Variants in SCAPER observed in about 807,000 individuals in gnomAD.
The protein encoded by SCAPER is S-phase cyclin A associated protein in the ER.
In SCAPER, 98 loss-of-function variants were observed where a neutral mutation model predicts 182.2. The ratio of observed to expected loss-of-function variants is 0.54; its 90% CI spans 0.46 to 0.64. SCAPER has a LOEUF of 0.64. SCAPER is among the 30% of genes least tolerant of loss of function. The probability of loss-of-function intolerance (pLI) is 0.00; values close to 1 mark genes in which losing one functional copy is unlikely to be tolerated. For missense variants in SCAPER, 1,432 were observed against 1,690.0 expected (o/e 0.85, Z 2.68); for synonymous variants, 605 against 564.6 (o/e 1.07, Z -1.01).
At chr15:76,902,639 G>A in intron 1 of SCAPER, among the ~76,000 whole-genome samples, 1 of 152,200 alleles carries the variant, frequency 6.6e-6, no homozygotes, top group East Asian at 1.9e-4. Flanking sequence ...TACCCTTACA[G>A]AGAATTCTAT....
At chr15:76,888,471 A>G (rs2073980711) in intron 1 of SCAPER, among the ~76,000 whole-genome samples, 1 of 152,192 alleles carries the variant, frequency 6.6e-6, no homozygotes, top group Non-Finnish European at 1.5e-5. Flanking sequence ...CAGTGGAGAG[A>G]AGACCTTAAA....
At chr15:76,591,434 C>A (rs187241823) in intron 22 of SCAPER, among the ~76,000 whole-genome samples, 1 of 152,130 alleles carries the variant, frequency 6.6e-6, no homozygotes, top group Non-Finnish European at 1.5e-5. Context: ...TAGAGTAATT[C>A]TTGAATATAT....
intron 26 of SCAPER, among the ~76,000 whole-genome samples, chr15:76,413,677 C>G (rs2045454362): frequency 6.6e-6 from 1 of 152,198 alleles, no homozygotes; most frequent in Non-Finnish European, 1.5e-5. Flanking sequence ...AAAGGTTGAA[C>G]AGGTCTATTT....
intron 25 of SCAPER, among the ~76,000 whole-genome samples, chr15:76,447,640 T>C (rs1040235716): frequency 2.0e-5 from 3 of 152,246 alleles, no homozygotes; most frequent in African/African-American, 4.8e-5. Context: ...TGTGAAAGTA[T>C]AGCTGAAACT....
chr15:76,430,822 G>A (rs2046811056), intron 26 of SCAPER, among the ~76,000 whole-genome samples: 1 of 152,200 alleles, frequency 6.6e-6, no homozygotes, highest in African/African-American at 2.4e-5. Context: ...GTTTTGAAAT[G>A]TGAGGACATG....
At chr15:76,385,962 C>G (rs1033223808) in intron 27 of SCAPER, among the ~76,000 whole-genome samples, 1 of 152,192 alleles carries the variant, frequency 6.6e-6, no homozygotes, top group Non-Finnish European at 1.5e-5. Flanking sequence ...ACAGATCTCA[C>G]TAGGCTAAAA....
intron 1 of SCAPER, among the ~76,000 whole-genome samples, chr15:76,895,079 A>C (rs2074361082): frequency 6.6e-6 from 1 of 152,218 alleles, no homozygotes; most frequent in Admixed American, 6.5e-5. Flanking sequence ...CACTAGAAGA[A>C]AAGAAAATTA....
In SCAPER at chr15:76,667,625, C is replaced by CAAAAAAAAAAAAAAAAAAA. The variant is rs775463270; in HGVS notation, c.2509-1855_2509-1837dup. ...GGGCAACAAGAGCGAGACTCAGTCT[C>CAAAAAAAAAAAAAAAAAAA]AAAAAAAAAAAAAAAAAAAAAAAAA... On this transcript the variant is annotated intron_variant, in intron 20 of 31. Transcript: ENST00000563290. Among the ~76,000 whole-genome samples the CAAAAAAAAAAAAAAAAAAA allele has an allele frequency of 2.5e-4, 7 of 27,474 alleles. 1 individual carries two copies. Among genetic ancestry groups the CAAAAAAAAAAAAAAAAAAA allele is most frequent in the Non-Finnish European group, 2.6e-4 (4 of 15,342 alleles). 18.0% of individuals were successfully genotyped at this position (27,474 alleles called of 152,430 possible).
At chr15:76,398,922 AT>A (rs2044266347) in intron 27 of SCAPER, among the ~76,000 whole-genome samples, 2 of 152,190 alleles carry the variant, frequency 1.3e-5, no homozygotes, top group South Asian at 2.1e-4. Flanking sequence ...ATGATTACTG[AT>A]TAAGTTAACA....
chr15:76,766,895 T>C lies in SCAPER; in HGVS notation c.1419+23A>G, dbSNP rs752315898. 143 of 1,571,764 alleles carry C rather than the reference T, an allele frequency of 9.1e-5. 2 individuals carry two copies. The Admixed American group carries it at 2.4e-3, about 26-fold the overall frequency. The stretch of plus-strand genomic sequence containing the variant: ...TCTAAATATAAATTTTGAATAGTTA[T>C]GTTAAAAAGTCTAAAAGCTCACAGA... On this transcript the variant is annotated intron_variant, in intron 11 of 31. Coordinates refer to ENST00000563290, the MANE Select transcript of SCAPER (RefSeq NM_020843.4).
intron 23 of SCAPER, among the ~76,000 whole-genome samples, chr15:76,563,376 G>A (rs889158778): frequency 4.6e-5 from 7 of 152,044 alleles, no homozygotes; most frequent in Non-Finnish European, 1.0e-4. Context: ...AGCAACAATT[G>A]GAGAATATTA....
chr15:76,830,583 G>C (rs1182624288), intron 5 of SCAPER, among the ~76,000 whole-genome samples: 1 of 151,872 alleles, frequency 6.6e-6, no homozygotes, highest in Non-Finnish European at 1.5e-5. Context: ...TGAGGTGAGG[G>C]GAGGAACAAA....
At chr15:76,784,143 T>A (rs946963506) in intron 8 of SCAPER, among the ~76,000 whole-genome samples, 1 of 152,204 alleles carries the variant, frequency 6.6e-6, no homozygotes, top group Non-Finnish European at 1.5e-5. Context: ...ACCCATCGTC[T>A]CTGCCCAAAA....
intron 21 of SCAPER, among the ~76,000 whole-genome samples, chr15:76,653,087 G>A (rs556150147): frequency 1.1e-4 from 17 of 152,072 alleles, no homozygotes; most frequent in South Asian, 2.1e-4. Context: ...TAGGCTGAGC[G>A]TAAAATCAAG....
intron 17 of SCAPER, among the ~76,000 whole-genome samples, chr15:76,726,409 A>C (rs2151006963): frequency 6.6e-6 from 1 of 151,762 alleles, no homozygotes; most frequent in Non-Finnish European, 1.5e-5. Flanking sequence ...AATGCTGCTG[A>C]GAACATAAAA....
chr15:76,489,507 T>C (rs1277639981), intron 24 of SCAPER, among the ~76,000 whole-genome samples: 1 of 151,908 alleles, frequency 6.6e-6, no homozygotes, highest in Non-Finnish European at 1.5e-5. Flanking sequence ...TAGAATGTCA[T>C]ATACATGGAA....
At position 76,733,708 on chromosome 15, in the gene SCAPER, C is replaced by T. The variant is rs551336563; in HGVS notation, c.1867-324G>A. ...GCCAGAGGTTGCAGTGAGCCAAGATCGTGCCACTGCACTCCAGCCTGGGTG... is the reference window on the plus strand; with the variant it reads ...GCCAGAGGTTGCAGTGAGCCAAGATTGTGCCACTGCACTCCAGCCTGGGTG... On this transcript the variant is annotated intron_variant, in intron 15 of 31. Transcript: ENST00000563290. Among the ~76,000 whole-genome samples the T allele has an allele frequency of 1.7e-4, 26 of 151,916 alleles. 1 individual carries two copies. The East Asian group carries it at 4.1e-3, about 24-fold the overall frequency.
At chr15:76,460,183 A>G (rs2049055056) in intron 25 of SCAPER, among the ~76,000 whole-genome samples, 1 of 152,146 alleles carries the variant, frequency 6.6e-6, no homozygotes, top group Admixed American at 6.6e-5. Context: ...ATTTTATTAC[A>G]TTAATTATTC....
intron 5 of SCAPER, among the ~76,000 whole-genome samples, chr15:76,830,755 G>A (rs548849456): frequency 6.6e-6 from 1 of 152,124 alleles, no homozygotes; most frequent in Non-Finnish European, 1.5e-5. Flanking sequence ...TGGCCAACTA[G>A]ACGTAGCCAG....
Sources: allele counts gnomAD v4.1 joint callset (sites outside exome capture counted in the v4.1 genomes callset), GRCh38; gene constraint gnomAD v4.1.1; transcripts MANE v1.5; gene names NCBI Gene and HGNC (gene_info 2026-07-23, HGNC 2026-07-21).